CTNNA2: variants seen among roughly 807,000 people sequenced by gnomAD.
The protein encoded by CTNNA2 is catenin alpha 2, also known as catenin alpha-2.
A neutral mutation model predicts 101.0 loss-of-function variants in CTNNA2; 42 were observed. The observed-to-expected ratio is 0.42, with a 90% CI of 0.32 to 0.54. The LOEUF is 0.54. Ranked by LOEUF, CTNNA2 falls within the 20% of genes least tolerant of loss-of-function variation. The pLI is 0.14. For synonymous variants in CTNNA2, 450 were observed against 456.4 expected (o/e 0.99, Z 0.18); for missense variants, 871 against 1,223.1 (o/e 0.71, Z 4.29).
chr2:80,387,879 G>A (rs1677157701), intron 7 of CTNNA2, among the ~76,000 whole-genome samples: 1 of 152,158 alleles, frequency 6.6e-6, no homozygotes. Flanking sequence ...ACAACAGATG[G>A]CAACTAGGGA....
intron 3 of CTNNA2, chr2:79,319,769 A>G (rs1676576444): frequency 6.6e-6 from 1 of 152,178 alleles, no homozygotes; most frequent in Non-Finnish European, 1.5e-5. Flanking sequence ...CTGCCCACGA[A>G]AGTAAGAGGC....
intron 7 of CTNNA2, among the ~76,000 whole-genome samples, chr2:80,242,702 T>G (rs1233036907): frequency 6.6e-6 from 1 of 152,146 alleles, no homozygotes; most frequent in Non-Finnish European, 1.5e-5. Flanking sequence ...CACTCAGAGT[T>G]TGGCTCCATC....
intron 7 of CTNNA2, among the ~76,000 whole-genome samples, chr2:80,023,993 G>A (rs926656795): frequency 5.3e-5 from 8 of 151,850 alleles, no homozygotes; most frequent in Admixed American, 1.3e-4. Context: ...AGGCCGAGGC[G>A]GGAGAACGGC....
intron 1 of CTNNA2, among the ~76,000 whole-genome samples, chr2:79,607,835 T>C (rs1361139135): frequency 6.6e-6 from 1 of 152,076 alleles, no homozygotes; most frequent in Non-Finnish European, 1.5e-5. Flanking sequence ...AATTAATTGA[T>C]TCAGTTTCAC....
intron 1 of CTNNA2, among the ~76,000 whole-genome samples, chr2:79,574,743 T>C (rs559514090): frequency 1.8e-4 from 28 of 152,322 alleles, no homozygotes; most frequent in Non-Finnish European, 4.4e-5. Flanking sequence ...CAAAATGAGA[T>C]TGCTGGGTGA....
At chr2:79,908,108 G>C (rs1408928380) in intron 6 of CTNNA2, among the ~76,000 whole-genome samples, 1 of 152,130 alleles carries the variant, frequency 6.6e-6, no homozygotes. Context: ...AACTTAAGCA[G>C]TTATTGTATA....
intron 7 of CTNNA2, among the ~76,000 whole-genome samples, chr2:80,004,494 C>T (rs1324588925): frequency 2.6e-5 from 4 of 152,062 alleles, no homozygotes; most frequent in African/African-American, 2.4e-5. Context: ...CTGCTGAACA[C>T]TCACTATGGG....
At chr2:79,854,140 A>G (rs1368227146) in intron 3 of CTNNA2, among the ~76,000 whole-genome samples, 1 of 152,034 alleles carries the variant, frequency 6.6e-6, no homozygotes, top group Non-Finnish European at 1.5e-5. Context: ...TTTTATATAT[A>G]TTCTATCTTC....
chr2:80,409,547 C>T (rs1679375543), intron 8 of CTNNA2, among the ~76,000 whole-genome samples: 1 of 152,092 alleles, frequency 6.6e-6, no homozygotes, highest in African/African-American at 2.4e-5. Flanking sequence ...TTGTTTTCTT[C>T]TGTATCCCTG....
intron 8 of CTNNA2, among the ~76,000 whole-genome samples, chr2:80,400,808 C>T (rs990167304): frequency 1.3e-5 from 2 of 152,132 alleles, no homozygotes; most frequent in Non-Finnish European, 2.9e-5. Context: ...CACTGCTTTT[C>T]ACACACACAA....
chr2:79,475,148 C>T (rs1671037879), intron 4 of CTNNA2, among the ~76,000 whole-genome samples: 1 of 151,928 alleles, frequency 6.6e-6, no homozygotes, highest in Non-Finnish European at 1.5e-5. Flanking sequence ...TCCCAGAGCT[C>T]CCCATAATTT....
At chr2:79,391,292 C>G (rs965681380) in intron 4 of CTNNA2, among the ~76,000 whole-genome samples, 2 of 152,188 alleles carry the variant, frequency 1.3e-5, no homozygotes, top group Non-Finnish European at 2.9e-5. Flanking sequence ...TCCTCCTCCT[C>G]TGCCTACTCA....
chr2:79,455,930 G>A (rs1670815630), intron 4 of CTNNA2, among the ~76,000 whole-genome samples: 1 of 152,052 alleles, frequency 6.6e-6, no homozygotes, highest in Non-Finnish European at 1.5e-5. Flanking sequence ...TTTAAAATAT[G>A]ACAAGTTAGA....
intron 17 of CTNNA2, among the ~76,000 whole-genome samples, chr2:80,611,449 G>A (rs924878885): frequency 6.6e-6 from 1 of 151,602 alleles, no homozygotes; most frequent in African/African-American, 2.4e-5. Flanking sequence ...ATTATCTTAT[G>A]GGAGAAAAGT....
At chr2:80,545,495 G>C (rs909975794) in intron 10 of CTNNA2, among the ~76,000 whole-genome samples, 4 of 152,104 alleles carry the variant, frequency 2.6e-5, no homozygotes, top group Non-Finnish European at 5.9e-5. Flanking sequence ...GCAGGGAGCT[G>C]GGATTGTGCC....
At chr2:80,588,870 TTCCTA>T in intron 14 of CTNNA2, among the ~76,000 whole-genome samples, 1 of 152,274 alleles carries the variant, frequency 6.6e-6, no homozygotes, top group South Asian at 2.1e-4. Context: ...GTGTTTAAAA[TTCCTA>T]TCCTTTCCAG....
At chr2:80,092,495 G>T (rs570747092) in intron 7 of CTNNA2, among the ~76,000 whole-genome samples, 1 of 152,222 alleles carries the variant, frequency 6.6e-6, no homozygotes, top group Non-Finnish European at 1.5e-5. Flanking sequence ...TCTTTAGAGT[G>T]ATGAAAGGTT....
At chr2:80,196,599 G>T (rs1706847454) in intron 7 of CTNNA2, among the ~76,000 whole-genome samples, 1 of 152,076 alleles carries the variant, frequency 6.6e-6, no homozygotes, top group African/African-American at 2.4e-5. Context: ...CTTCTGCTTT[G>T]ATTTCCCTTT....
At chr2:80,197,355 G>A (rs1172723354) in intron 7 of CTNNA2, among the ~76,000 whole-genome samples, 1 of 151,850 alleles carries the variant, frequency 6.6e-6, no homozygotes, top group East Asian at 1.9e-4. Context: ...GGATTATAAT[G>A]TATCGCTTCT....
Sources: gnomAD v4.1 joint callset for allele counts (sites outside exome capture counted in the v4.1 genomes callset) on GRCh38, gnomAD v4.1.1 for gene constraint, MANE v1.5 for transcripts, NCBI Gene and HGNC (gene_info 2026-07-23, HGNC 2026-07-21) for gene names.